The following DGKH variants were observed in gnomAD, a reference collection of about 807,000 sequenced individuals.
The protein encoded by DGKH is DAG kinase eta.
In DGKH, 90 loss-of-function variants were observed where a neutral mutation model predicts 159.3. The observed-to-expected ratio is 0.57, with a 90% CI of 0.48 to 0.67. The LOEUF is 0.67. DGKH is among the 30% of genes least tolerant of loss of function. The pLI is 0.00. For synonymous variants in DGKH, 536 were observed against 553.8 expected (o/e 0.97, Z 0.45); for missense variants, 1,181 against 1,506.1 (o/e 0.78, Z 3.57).
chr13:42,151,097 A>G (rs1955869298), intron 3 of DGKH, among the ~76,000 whole-genome samples: 1 of 152,162 alleles, frequency 6.6e-6, no homozygotes, highest in Non-Finnish European at 1.5e-5. Context: ...TCTGGAAGGA[A>G]TGGAGCCCTC....
chr13:42,210,677 T>G lies in DGKH; in HGVS notation c.2926T>G (p.Leu976Val). 6.2e-7 allele frequency: 1 copy of G among 1,612,106 alleles called. No individual in the cohort carries two copies. The highest frequency in any genetic ancestry group is 8.5e-7 in the Non-Finnish European group (1 of 1,179,924). The change falls in exon 24 of 30, where the codon TTG becomes GTG. Residue 976 changes from leucine to valine, a missense_variant. Coordinates refer to ENST00000337343, the MANE Select transcript of DGKH (RefSeq NM_178009.5). ...TGGTAAACCAGTTCTCCGAACCCAT[T>G]TGTACATCCATCACGCCATTGACTT... The part of the protein sequence containing the change: ...DSGKPVLRTH[L>V]YIHHAIDLAT...
intron 1 of DGKH, among the ~76,000 whole-genome samples, chr13:42,073,993 C>T (rs1883143716): frequency 6.6e-6 from 1 of 152,266 alleles, no homozygotes; most frequent in South Asian, 2.1e-4. Flanking sequence ...ACTTAGTTCT[C>T]ATAGAAATTA....
chr13:42,157,516 G>A (rs542638342), intron 5 of DGKH, among the ~76,000 whole-genome samples: 1 of 152,198 alleles, frequency 6.6e-6, no homozygotes, highest in East Asian at 1.9e-4. Context: ...GGCCGGGCAC[G>A]GTGGCTCACG....
chr13:42,131,514 G>A (rs1955289951), intron 3 of DGKH, among the ~76,000 whole-genome samples: 1 of 152,178 alleles, frequency 6.6e-6, no homozygotes, highest in African/African-American at 2.4e-5. Context: ...TTTTCTCATT[G>A]AAATTGAAGG....
At chr13:42,150,033 A>C (rs931899000) in intron 3 of DGKH, among the ~76,000 whole-genome samples, 1 of 152,202 alleles carries the variant, frequency 6.6e-6, no homozygotes, top group Non-Finnish European at 1.5e-5. Context: ...GTGTAGTATT[A>C]ATTGACTTTA....
chr13:42,056,279 A>T (rs1262899984), intron 1 of DGKH, among the ~76,000 whole-genome samples: 1 of 151,358 alleles, frequency 6.6e-6, no homozygotes, highest in Non-Finnish European at 1.5e-5. Flanking sequence ...GCTTTTTGTT[A>T]TGAGGCTATT....
intron 13 of DGKH, among the ~76,000 whole-genome samples, chr13:42,180,923 G>C (rs17062948): frequency 0.083 from 12,651 of 152,072 alleles, 1,433 homozygotes; most frequent in African/African-American, 0.26. Context: ...GGTTTAAGGA[G>C]GCCACACATT....
At chr13:42,100,996 T>G (rs1954641827) in intron 1 of DGKH, among the ~76,000 whole-genome samples, 1 of 152,236 alleles carries the variant, frequency 6.6e-6, no homozygotes, top group South Asian at 2.1e-4. Context: ...TGCTCTCAGA[T>G]TTTACTCCCA....
chr13:42,165,364 A>G lies in DGKH; in HGVS notation c.889A>G (p.Ile297Val), dbSNP rs779150570. ...TGCCTGCAAAGATTTATACCATCCA[A>G]TATGTCCACTTGGTCAATGTAAAGT... ...HTACKDLYHPICPLGQCKVSI... is the reference protein window; with the variant it reads ...HTACKDLYHPVCPLGQCKVSI... Residue 297 changes from isoleucine (I) to valine (V), a missense_variant, in exon 8 of 30, where the codon ATA becomes GTA. Ile to Val is a conservative substitution (Grantham distance 29). Coordinates refer to ENST00000337343, the MANE Select transcript of DGKH (RefSeq NM_178009.5). 20 of 1,590,116 alleles carry G rather than the reference A, an allele frequency of 1.3e-5. No individual in the cohort carries two copies. In the South Asian group the frequency reaches 1.5e-4, roughly 12 times the overall value.
intron 3 of DGKH, chr13:42,138,000 C>A (rs191977582): frequency 4.1e-6 from 3 of 739,440 alleles, no homozygotes; most frequent in Non-Finnish European, 5.0e-6. Flanking sequence ...TAACTTGAGT[C>A]ATCTGATAGA....
intron 29 of DGKH, among the ~76,000 whole-genome samples, chr13:42,227,274 TA>T (rs1381317661): frequency 6.6e-6 from 1 of 151,842 alleles, no homozygotes; most frequent in Non-Finnish European, 1.5e-5. Flanking sequence ...TAAATTAATT[TA>T]AAAAAAAGTA....
intron 1 of DGKH, among the ~76,000 whole-genome samples, chr13:42,089,026 G>T (rs1156518177): frequency 1.3e-5 from 2 of 152,120 alleles, no homozygotes; most frequent in Admixed American, 1.3e-4. Context: ...GATAGTGAGG[G>T]ATATTACATA....
intron 3 of DGKH, among the ~76,000 whole-genome samples, chr13:42,139,623 G>A (rs905552225): frequency 1.3e-5 from 2 of 152,096 alleles, no homozygotes; most frequent in African/African-American, 4.8e-5. Context: ...CTAGTCTGTT[G>A]CACAGCAGCC....
chr13:42,052,467 A>G (rs1881394127), intron 1 of DGKH, among the ~76,000 whole-genome samples: 1 of 152,238 alleles, frequency 6.6e-6, no homozygotes, highest in Admixed American at 6.5e-5. Context: ...AAAGACAAAA[A>G]GTCACTTATG....
chr13:42,244,633 G>A (rs1316348027), downstream of DGKH, among the ~76,000 whole-genome samples: 5 of 152,064 alleles, frequency 3.3e-5, no homozygotes, highest in South Asian at 2.1e-4. Flanking sequence ...GGCCGGGCGC[G>A]GTGGCTCACG....
chr13:42,100,484 C>G (rs761731141), intron 1 of DGKH, among the ~76,000 whole-genome samples: 1 of 152,026 alleles, frequency 6.6e-6, no homozygotes. Flanking sequence ...CTGTCTTTCA[C>G]GAAACCGGTC....
At chr13:42,170,241 C>T (rs147238988) in intron 11 of DGKH, among the ~76,000 whole-genome samples, 2 of 152,084 alleles carry the variant, frequency 1.3e-5, no homozygotes, top group South Asian at 2.1e-4. Flanking sequence ...GCTTTCCCCT[C>T]GTGTGCTATA....
downstream of DGKH, among the ~76,000 whole-genome samples, chr13:42,246,941 AACT>A (rs1958585138): frequency 6.6e-6 from 1 of 152,144 alleles, no homozygotes; most frequent in Non-Finnish European, 1.5e-5. Flanking sequence ...TGTGCTTTAT[AACT>A]GTTTCAGATA....
chr13:42,138,702 T>C (rs2137875089), intron 3 of DGKH, among the ~76,000 whole-genome samples: 1 of 152,332 alleles, frequency 6.6e-6, no homozygotes, highest in Middle Eastern at 3.4e-3. Context: ...TTGACTATTT[T>C]ATACCATGTT....
Sources: gnomAD v4.1 joint callset for allele counts (sites outside exome capture counted in the v4.1 genomes callset) on GRCh38, gnomAD v4.1.1 for gene constraint, MANE v1.5 for transcripts, NCBI Gene and HGNC (gene_info 2026-07-23, HGNC 2026-07-21) for gene names.